The following DPP10 variants were observed in gnomAD, a reference collection of about 807,000 sequenced individuals.
DPP10 encodes inactive dipeptidyl peptidase 10.
Under a neutral mutation model 120.9 loss-of-function variants are expected in DPP10, and 33 were observed. The ratio of observed to expected loss-of-function variants is 0.27; its 90% CI spans 0.21 to 0.37. DPP10 has a LOEUF of 0.37. DPP10 is among the 10% of genes least tolerant of loss of function. The pLI, the probability that DPP10 is intolerant of heterozygous loss-of-function variation, is 1.00. For synonymous variants in DPP10, 337 were observed against 326.1 expected (o/e 1.03, Z -0.36); for missense variants, 816 against 942.8 (o/e 0.87, Z 1.76).
chr2:115,668,376 G>A (rs2089623915), intron 5 of DPP10, among the ~76,000 whole-genome samples: 1 of 152,010 alleles, frequency 6.6e-6, no homozygotes, highest in African/African-American at 2.4e-5. Flanking sequence ...CATGAATTTG[G>A]CTTCACTTTT....
chr2:114,744,710 G>T (rs1423923211), intron 1 of DPP10, among the ~76,000 whole-genome samples: 1 of 152,126 alleles, frequency 6.6e-6, no homozygotes, highest in Non-Finnish European at 1.5e-5. Flanking sequence ...GGCTGCTTTT[G>T]CACTATAAGG....
At chr2:115,118,658 C>T (rs1345720809) in intron 1 of DPP10, among the ~76,000 whole-genome samples, 1 of 152,080 alleles carries the variant, frequency 6.6e-6, no homozygotes, top group Non-Finnish European at 1.5e-5. Flanking sequence ...CAGCTCACTA[C>T]AATCTCTGTC....
chr2:114,746,383 C>G lies in DPP10; in HGVS notation c.60+303545C>G, dbSNP rs983988043. Among the ~76,000 whole-genome samples, 3 of 152,316 alleles carry G rather than the reference C, an allele frequency of 2.0e-5. No homozygotes were observed. In the South Asian group the frequency reaches 6.2e-4, roughly 32 times the overall value. ...TAATTCACTCGTTCATTTGCTCTGA[C>G]CCTGTTATCAGTCTTATTTTTTCTT... On this transcript the variant is annotated intron_variant, in intron 1 of 25. Coordinates refer to ENST00000410059, the MANE Select transcript of DPP10 (RefSeq NM_020868.6).
intron 1 of DPP10, among the ~76,000 whole-genome samples, chr2:114,856,020 A>G (rs1243931345): frequency 6.6e-6 from 1 of 152,044 alleles, no homozygotes; most frequent in Non-Finnish European, 1.5e-5. Context: ...TACAGAATAT[A>G]TTTTTTAAAA....
At chr2:115,384,938 A>G (rs1295113075) in intron 3 of DPP10, among the ~76,000 whole-genome samples, 1 of 152,110 alleles carries the variant, frequency 6.6e-6, no homozygotes, top group Non-Finnish European at 1.5e-5. Flanking sequence ...CCCCCATACT[A>G]TTCTTGTGGT....
At chr2:115,788,727 T>C (rs1160113178) in intron 17 of DPP10, among the ~76,000 whole-genome samples, 6 of 152,186 alleles carry the variant, frequency 3.9e-5, no homozygotes, top group African/African-American at 1.4e-4. Context: ...ATTAACATTC[T>C]CCTCACAAAG....
intron 1 of DPP10, among the ~76,000 whole-genome samples, chr2:114,564,414 C>G (rs1288708265): frequency 6.6e-6 from 1 of 152,100 alleles, no homozygotes; most frequent in Admixed American, 6.5e-5. Flanking sequence ...AGGAGAAAGA[C>G]TCAAGACCAT....
At chr2:115,477,221 A>C (rs1274745335) in intron 3 of DPP10, among the ~76,000 whole-genome samples, 4 of 152,152 alleles carry the variant, frequency 2.6e-5, no homozygotes, top group Non-Finnish European at 5.9e-5. Flanking sequence ...CAAAGAGGTA[A>C]AATTACTTCT....
chr2:115,747,082 A>G lies in DPP10; in HGVS notation c.950+899A>G, dbSNP rs1401056270. Among the ~76,000 whole-genome samples the G allele has an allele frequency of 1.3e-4, 20 of 152,158 alleles. 1 individual carries two copies. The highest frequency in any genetic ancestry group is 2.9e-4 in the Non-Finnish European group (20 of 68,024). On this transcript the variant is annotated intron_variant, in intron 10 of 25. Coordinates refer to ENST00000410059, the MANE Select transcript of DPP10 (RefSeq NM_020868.6). ...TGTGTGTGGAAATTTTACGTACTTGAAAAGGTAATAAAGGTTTATGGAATG... is the reference window on the plus strand; with the variant it reads ...TGTGTGTGGAAATTTTACGTACTTGGAAAGGTAATAAAGGTTTATGGAATG...
intron 9 of DPP10, among the ~76,000 whole-genome samples, chr2:115,741,012 C>T (rs1677190681): frequency 6.6e-6 from 1 of 152,080 alleles, no homozygotes; most frequent in Non-Finnish European, 1.5e-5. Context: ...ATTAGTTAGA[C>T]AAACTACTGG....
intron 1 of DPP10, among the ~76,000 whole-genome samples, chr2:114,514,173 C>T (rs775180627): frequency 6.6e-6 from 1 of 152,144 alleles, no homozygotes; most frequent in African/African-American, 2.4e-5. Flanking sequence ...ATAATTTGCT[C>T]GTGGCTAGCT....
intron 1 of DPP10, among the ~76,000 whole-genome samples, chr2:114,904,596 A>G (rs1309169012): frequency 6.6e-6 from 1 of 152,240 alleles, no homozygotes; most frequent in East Asian, 1.9e-4. Context: ...TAAAGTATGT[A>G]CTGAGGACAA....
chr2:115,076,169 T>G (rs1707772100), intron 1 of DPP10, among the ~76,000 whole-genome samples: 1 of 152,070 alleles, frequency 6.6e-6, no homozygotes, highest in Non-Finnish European at 1.5e-5. Flanking sequence ...ATGTCAGACA[T>G]TCAGGTAAGA....
chr2:114,858,950 A>G (rs1030058569), intron 1 of DPP10, among the ~76,000 whole-genome samples: 4 of 152,106 alleles, frequency 2.6e-5, no homozygotes, highest in African/African-American at 9.7e-5. Context: ...TGCATATCCC[A>G]TCCTTTGTTT....
chr2:114,654,279 G>A (rs909703266), intron 1 of DPP10, among the ~76,000 whole-genome samples: 1 of 152,140 alleles, frequency 6.6e-6, no homozygotes, highest in Non-Finnish European at 1.5e-5. Flanking sequence ...CTGAGGTGAA[G>A]TGACTTCCCA....
At chr2:114,563,233 A>G (rs918906602) in intron 1 of DPP10, among the ~76,000 whole-genome samples, 1 of 152,124 alleles carries the variant, frequency 6.6e-6, no homozygotes, top group Non-Finnish European at 1.5e-5. Context: ...TTAGCTGGAC[A>G]TGGTGGCCGG....
At chr2:115,700,990 A>C (rs1385811888) in intron 7 of DPP10, among the ~76,000 whole-genome samples, 1 of 152,148 alleles carries the variant, frequency 6.6e-6, no homozygotes, top group East Asian at 1.9e-4. Context: ...TGGAAGATGT[A>C]ATCTTGTTAT....
intron 1 of DPP10, among the ~76,000 whole-genome samples, chr2:115,228,989 C>T (rs1269823596): frequency 6.6e-6 from 1 of 152,076 alleles, no homozygotes; most frequent in East Asian, 1.9e-4. Context: ...TTTACATTCC[C>T]ACCAACAGTG....
At chr2:114,926,976 G>A (rs1460875788) in intron 1 of DPP10, among the ~76,000 whole-genome samples, 13 of 150,464 alleles carry the variant, frequency 8.6e-5, no homozygotes, top group African/African-American at 2.4e-4. Flanking sequence ...TCAGCCTCCC[G>A]AGTAGCTGGG....
Sources: gnomAD v4.1 joint callset for allele counts (sites outside exome capture counted in the v4.1 genomes callset) on GRCh38, gnomAD v4.1.1 for gene constraint, MANE v1.5 for transcripts, NCBI Gene and HGNC (gene_info 2026-07-23, HGNC 2026-07-21) for gene names.